Variants in OSBPL10 observed in about 807,000 individuals in gnomAD.
OSBPL10 encodes oxysterol binding protein like 10.
In OSBPL10, 49 loss-of-function variants were observed where a neutral mutation model predicts 81.7. That is an observed-to-expected ratio of 0.60 (90% CI 0.48 to 0.76). The LOEUF (loss-of-function observed/expected upper bound fraction) is 0.76, where lower values mean the gene tolerates loss of function less well. Ranked by LOEUF, OSBPL10 falls within the 30% of genes least tolerant of loss-of-function variation. OSBPL10 has a pLI of 0.00. For missense variants in OSBPL10, 923 were observed against 987.8 expected (o/e 0.93, Z 0.88); for synonymous variants, 419 against 383.6 (o/e 1.09, Z -1.08).
intron 1 of OSBPL10, among the ~76,000 whole-genome samples, chr3:31,928,392 A>C (rs1697138675): frequency 6.6e-6 from 1 of 152,146 alleles, no homozygotes; most frequent in Non-Finnish European, 1.5e-5. Context: ...CCAAAACAGT[A>C]ATTATTGTGT....
intron 4 of OSBPL10, among the ~76,000 whole-genome samples, chr3:31,787,969 T>C (rs1425471763): frequency 6.6e-6 from 1 of 152,150 alleles, no homozygotes; most frequent in Non-Finnish European, 1.5e-5. Context: ...GAAACATATA[T>C]TAAGTAAAAA....
At chr3:32,040,042 T>C (rs1575090599) in intron 2 of OSBPL10, among the ~76,000 whole-genome samples, 1 of 152,312 alleles carries the variant, frequency 6.6e-6, no homozygotes. Context: ...TGGCAGTTCG[T>C]CAATAAGTAA....
chr3:31,678,233 G>A (rs1009099338), intron 8 of OSBPL10, among the ~76,000 whole-genome samples: 9 of 152,200 alleles, frequency 5.9e-5, no homozygotes, highest in African/African-American at 1.9e-4. Flanking sequence ...GGGGTGCCCC[G>A]TTGACGGTGT....
chr3:32,017,078 T>C (rs1435915069), intron 2 of OSBPL10, among the ~76,000 whole-genome samples: 2 of 152,236 alleles, frequency 1.3e-5, no homozygotes, highest in Non-Finnish European at 2.9e-5. Context: ...TTAAGAGATC[T>C]GAACTTCCAT....
At chr3:31,819,592 C>A (rs1699931166) in intron 4 of OSBPL10, among the ~76,000 whole-genome samples, 1 of 152,168 alleles carries the variant, frequency 6.6e-6, no homozygotes, top group Admixed American at 6.5e-5. Flanking sequence ...AGCCATACTT[C>A]TAGGAGGGCG....
At chr3:31,710,674 A>C (rs1696225143) in intron 6 of OSBPL10, 1 of 152,366 alleles carries the variant, frequency 6.6e-6, no homozygotes, top group African/African-American at 2.4e-5. Flanking sequence ...AACCAGCCCC[A>C]GAGGACCAGC....
At chr3:31,708,915 TG>T in intron 6 of OSBPL10, 1 of 985,490 alleles carries the variant, frequency 1.0e-6, no homozygotes, top group Non-Finnish European at 1.2e-6. Context: ...CTGGTATAGC[TG>T]GTACCCCTTG....
At chr3:31,952,358 C>T (rs1320848106) in intron 1 of OSBPL10, among the ~76,000 whole-genome samples, 1 of 152,198 alleles carries the variant, frequency 6.6e-6, no homozygotes, top group African/African-American at 2.4e-5. Context: ...CATGTTTCCT[C>T]TCTCACCCTA....
rs186294229 is a variant in OSBPL10 at position 31,875,163 on chromosome 3, T to C, written c.537+1270A>G. ...AAAACATGTATTTACGTAGATACAG[T>C]TATATATACATACACATACCAAGAT... On this transcript the variant is annotated intron_variant, in intron 3 of 11. Coordinates refer to ENST00000396556, the MANE Select transcript of OSBPL10 (RefSeq NM_017784.5). Among the ~76,000 whole-genome samples, 526 of 150,988 alleles carry C rather than the reference T, an allele frequency of 3.5e-3. 1 individual carries two copies. The highest frequency in any genetic ancestry group is 0.012 in the African/African-American group (481 of 41,118).
At chr3:31,988,203 G>A (rs1410917382) in intron 2 of OSBPL10, among the ~76,000 whole-genome samples, 1 of 152,184 alleles carries the variant, frequency 6.6e-6, no homozygotes, top group Non-Finnish European at 1.5e-5. Flanking sequence ...TGAGTGTGAA[G>A]GGGCAGATAA....
intron 3 of OSBPL10, among the ~76,000 whole-genome samples, chr3:31,838,855 A>C (rs1700427295): frequency 6.6e-6 from 1 of 152,236 alleles, no homozygotes; most frequent in Admixed American, 6.5e-5. Context: ...TTAATTAACT[A>C]TTCCTAATAA....
At chr3:32,033,475 A>G (rs1201314143) in intron 2 of OSBPL10, among the ~76,000 whole-genome samples, 1 of 152,352 alleles carries the variant, frequency 6.6e-6, no homozygotes, top group East Asian at 1.9e-4. Flanking sequence ...CCTTTCTAGT[A>G]AAAGGGTGAT....
intron 2 of OSBPL10, chr3:31,989,212 C>T (rs745668607): frequency 2.5e-6 from 4 of 1,614,146 alleles, no homozygotes; most frequent in Non-Finnish European, 2.5e-6. Flanking sequence ...GGACCCTACG[C>T]AGAGGGCTTT....
chr3:32,067,486 A>C (rs1699788594), intron 1 of OSBPL10, among the ~76,000 whole-genome samples: 1 of 152,226 alleles, frequency 6.6e-6, no homozygotes, highest in Admixed American at 6.5e-5. Flanking sequence ...TCTGAGCCCA[A>C]GCTAAGCCAT....
chr3:31,854,619 T>G (rs1700861395), intron 3 of OSBPL10, among the ~76,000 whole-genome samples: 2 of 152,148 alleles, frequency 1.3e-5, no homozygotes, highest in Non-Finnish European at 2.9e-5. Context: ...GACAAAGAAA[T>G]AATTTCAAAC....
intron 6 of OSBPL10, among the ~76,000 whole-genome samples, chr3:31,718,430 G>A (rs1408144303): frequency 6.6e-6 from 1 of 152,110 alleles, no homozygotes; most frequent in African/African-American, 2.4e-5. Context: ...CCCAGCCCCA[G>A]AATTTCCATT....
intron 5 of OSBPL10, among the ~76,000 whole-genome samples, chr3:31,744,956 C>T (rs1697474693): frequency 6.6e-6 from 1 of 152,100 alleles, no homozygotes; most frequent in Non-Finnish European, 1.5e-5. Context: ...CAAAAGAGAC[C>T]ACAGAAACTC....
chr3:31,966,041 T>C, intron 1 of OSBPL10, among the ~76,000 whole-genome samples: 1 of 142,204 alleles, frequency 7.0e-6, no homozygotes, highest in Non-Finnish European at 1.5e-5. Context: ...ATGCCTGTAA[T>C]CCCAGCACTT....
chr3:31,770,426 G>A (rs995324899), intron 4 of OSBPL10, among the ~76,000 whole-genome samples: 2 of 152,134 alleles, frequency 1.3e-5, no homozygotes, highest in Admixed American at 1.3e-4. Flanking sequence ...TTGTAAAGCT[G>A]GTTTGAGAAA....
Sources: gnomAD v4.1 joint callset for allele counts (sites outside exome capture counted in the v4.1 genomes callset) on GRCh38, gnomAD v4.1.1 for gene constraint, MANE v1.5 for transcripts, NCBI Gene and HGNC (gene_info 2026-07-23, HGNC 2026-07-21) for gene names.